The following SASH1 variants were observed in gnomAD, a reference collection of about 807,000 sequenced individuals.
SASH1 encodes the protein SAM and SH3 domain-containing protein 1.
In SASH1, 44 loss-of-function variants were observed where a neutral mutation model predicts 125.2. The ratio of observed to expected loss-of-function variants is 0.35; its 90% CI spans 0.28 to 0.45. SASH1 has a LOEUF of 0.45. Among genes scored for constraint, SASH1 ranks in the 20% least tolerant of loss-of-function variants. SASH1 has a pLI of 1.00. For synonymous variants in SASH1, 639 were observed against 649.1 expected, an observed-to-expected ratio of 0.98 and a Z score of 0.24; for missense variants, 1,426 against 1,614.5, an observed-to-expected ratio of 0.88 and a Z score of 2.00.
chr6:148,304,947 C>T (rs1268134597), intron 1 of SASH1, among the ~76,000 whole-genome samples: 3 of 151,998 alleles, frequency 2.0e-5, no homozygotes, highest in Non-Finnish European at 4.4e-5. Flanking sequence ...ACCAGAATCG[C>T]GTGAACCCAG....
At chr6:148,444,386 C>T (rs911300093) in intron 4 of SASH1, among the ~76,000 whole-genome samples, 3 of 152,228 alleles carry the variant, frequency 2.0e-5, no homozygotes, top group Middle Eastern at 3.4e-3. Flanking sequence ...GTGAGATTTC[C>T]GACATACCTG....
intron 1 of SASH1, chr6:148,379,864 G>A: frequency 2.2e-6 from 1 of 455,684 alleles, no homozygotes; most frequent in Non-Finnish European, 4.4e-6. Context: ...GAGCTGCCAT[G>A]TTCCATCACC....
chr6:148,514,230 G>T, intron 8 of SASH1, 94 bp from the exon 9 acceptor site: 1 of 1,513,754 alleles, frequency 6.6e-7, no homozygotes, highest in Non-Finnish European at 8.8e-7. Context: ...GAGCTGCCGA[G>T]GTTCAGACTG....
At chr6:148,349,902 G>A (rs1781661595) in intron 1 of SASH1, among the ~76,000 whole-genome samples, 1 of 150,908 alleles carries the variant, frequency 6.6e-6, no homozygotes, top group Non-Finnish European at 1.5e-5. Flanking sequence ...CTGGAGTACA[G>A]TGGTGTGATC....
the SASH1 span, among the ~76,000 whole-genome samples, chr6:148,249,639 C>T: frequency 2.7e-3 from 414 of 152,296 alleles, 1 homozygote; most frequent in African/African-American, 9.6e-3. Flanking sequence ...ATAACATTTA[C>T]CTCTCCAGGT....
intron 2 of SASH1, among the ~76,000 whole-genome samples, chr6:148,415,022 T>C (rs1784768811): frequency 6.6e-6 from 1 of 152,228 alleles, no homozygotes; most frequent in African/African-American, 2.4e-5. Context: ...GTGCCAAGTA[T>C]AATGCCTGAC....
At chr6:148,378,443 C>T (rs995058307) in intron 1 of SASH1, among the ~76,000 whole-genome samples, 4 of 152,132 alleles carry the variant, frequency 2.6e-5, no homozygotes, top group Non-Finnish European at 5.9e-5. Flanking sequence ...CAGCCTCTGC[C>T]TCCCTGGCTT....
At chr6:148,538,605 A>ACTT (rs1453931693) in intron 16 of SASH1, among the ~76,000 whole-genome samples, 1 of 152,114 alleles carries the variant, frequency 6.6e-6, no homozygotes, top group African/African-American at 2.4e-5. Context: ...TAATTGAGGG[A>ACTT]CTTACGCTGC....
chr6:148,424,802 T>A (rs1300645405), intron 2 of SASH1, among the ~76,000 whole-genome samples: 1 of 152,210 alleles, frequency 6.6e-6, no homozygotes, highest in Admixed American at 6.5e-5. Context: ...TAGAAGCAGC[T>A]CTGAGCAGCC....
intron 2 of SASH1, among the ~76,000 whole-genome samples, chr6:148,408,653 A>T (rs1223663217): frequency 6.6e-6 from 1 of 152,100 alleles, no homozygotes; most frequent in African/African-American, 2.4e-5. Context: ...GTGTCCTTTG[A>T]TGCACAAACG....
intron 8 of SASH1, among the ~76,000 whole-genome samples, chr6:148,499,245 ATTCTC>A (rs757468078): frequency 6.6e-6 from 1 of 152,056 alleles, no homozygotes; most frequent in African/African-American, 2.4e-5. Context: ...ATATCCTTTT[ATTCTC>A]TTCTCTATGC....
At chr6:148,498,580 C>T (rs12199041) in intron 8 of SASH1, among the ~76,000 whole-genome samples, 6,660 of 152,182 alleles carry the variant, frequency 0.044, 186 homozygotes, top group Admixed American at 0.07. Flanking sequence ...TTGTGGAACT[C>T]GAGATACTAG....
chr6:148,414,092 G>A (rs1036945894), intron 2 of SASH1, among the ~76,000 whole-genome samples: 7 of 151,928 alleles, frequency 4.6e-5, no homozygotes, highest in African/African-American at 1.7e-4. Context: ...TATAAAATTT[G>A]TGTCTGTACT....
At chr6:148,477,560 C>G (rs1778419758) in intron 7 of SASH1, among the ~76,000 whole-genome samples, 1 of 152,178 alleles carries the variant, frequency 6.6e-6, no homozygotes, top group Non-Finnish European at 1.5e-5. Flanking sequence ...GAGTCTCACT[C>G]TGTCGCCCAG....
chr6:148,429,198 A>G (rs1256647441), intron 2 of SASH1, among the ~76,000 whole-genome samples: 1 of 152,030 alleles, frequency 6.6e-6, no homozygotes, highest in Non-Finnish European at 1.5e-5. Context: ...GAAAATACAC[A>G]TCCCATGCAG....
chr6:148,319,726 C>A (rs1562322665), intron 1 of SASH1, among the ~76,000 whole-genome samples: 2 of 152,042 alleles, frequency 1.3e-5, no homozygotes, highest in Non-Finnish European at 2.9e-5. Context: ...GTTGGTCAGG[C>A]TGGTCTCGAA....
the SASH1 span, among the ~76,000 whole-genome samples, chr6:148,235,025 A>G: frequency 6.6e-6 from 1 of 152,196 alleles, no homozygotes; most frequent in African/African-American, 2.4e-5. Flanking sequence ...GATAACAAGC[A>G]CCAACAATAC....
chr6:148,426,803 T>C (rs941278523), intron 2 of SASH1, among the ~76,000 whole-genome samples: 1 of 152,178 alleles, frequency 6.6e-6, no homozygotes, highest in African/African-American at 2.4e-5. Context: ...TTTTGTCTTA[T>C]GTTAGTCAAT....
intron 1 of SASH1, among the ~76,000 whole-genome samples, chr6:148,317,615 C>T (rs1005859483): frequency 1.3e-5 from 2 of 152,072 alleles, no homozygotes; most frequent in African/African-American, 4.8e-5. Context: ...TTAGTAGAGA[C>T]GGGGTTTCAC....
Sources: gnomAD v4.1 joint callset for allele counts (sites outside exome capture counted in the v4.1 genomes callset) on GRCh38, gnomAD v4.1.1 for gene constraint, MANE v1.5 for transcripts, NCBI Gene and HGNC (gene_info 2026-07-23, HGNC 2026-07-21) for gene names.